MAPK14: variants seen among roughly 807,000 people sequenced by gnomAD.
MAPK14 encodes the protein mitogen-activated protein kinase 14, also known as CSAID-binding protein.
In MAPK14, 16 loss-of-function variants were observed where a neutral mutation model predicts 49.6. The observed-to-expected ratio is 0.32, with a 90% confidence interval of 0.22 to 0.49. MAPK14 has a LOEUF of 0.49. Ranked by LOEUF, MAPK14 falls within the 20% of genes least tolerant of loss-of-function variation. The pLI, the probability that MAPK14 is intolerant of heterozygous loss-of-function variation, is 0.99. For missense variants in MAPK14, 200 were observed against 441.2 expected (o/e 0.45, Z 4.90); for synonymous variants, 142 against 158.0 (o/e 0.90, Z 0.76).
rs181225098 is a variant in MAPK14 at position 36,038,171 on chromosome 6, G to A, written c.116+9898G>A. Among the ~76,000 whole-genome samples the A allele has an allele frequency of 7.2e-5, 11 of 152,244 alleles. No individual in the cohort carries two copies. The East Asian group carries it at 1.5e-3, about 21-fold the overall frequency. ...TTGCACTTTTAAGAAAGGTGAATACGGTAAGCATCATTGATAAAGTAACAA... is the reference window on the plus strand; with the variant it reads ...TTGCACTTTTAAGAAAGGTGAATACAGTAAGCATCATTGATAAAGTAACAA... On this transcript the variant is annotated intron_variant, in intron 1 of 11. Coordinates refer to ENST00000229794, the MANE Select transcript of MAPK14 (RefSeq NM_139012.3).
chr6:36,062,985 GTGTA>G (rs1338250829), intron 3 of MAPK14, among the ~76,000 whole-genome samples: 6 of 152,034 alleles, frequency 3.9e-5, no homozygotes, highest in Non-Finnish European at 4.4e-5. Flanking sequence ...CATGTGATAC[GTGTA>G]TTTGTCCCTT....
Position 36,059,233 on chromosome 6 carries a change from G to C in MAPK14, c.247-56G>C. 7.5e-6 allele frequency: 8 copies of C among 1,072,854 alleles called. No homozygotes were observed. The South Asian group carries it at 1.1e-4, about 15-fold the overall frequency. The allele number at this position is 1,072,854 out of a possible 1,614,324, so 66.5% of individuals were successfully genotyped here. ...AAAAAAAGAAGATTAAGACCTGATG[G>C]GTACTATACTGAGTTTAATATTTAT... On this transcript the variant is annotated intron_variant, in intron 2 of 11. Coordinates refer to ENST00000229794, the MANE Select transcript of MAPK14 (RefSeq NM_139012.3).
intron 8 of MAPK14, among the ~76,000 whole-genome samples, chr6:36,094,891 G>C (rs569729407): frequency 1.3e-5 from 2 of 152,236 alleles, no homozygotes; most frequent in South Asian, 2.1e-4. Context: ...AGAGTGTTGA[G>C]GGGAGGCCTC....
Position 36,072,879 on chromosome 6 carries a change from G to C in MAPK14, c.312G>C (p.Leu104=). 1.8e-5 allele frequency: 29 copies of C among 1,579,998 alleles called. No individual in the cohort carries two copies. Among genetic ancestry groups the C allele is most frequent in the Non-Finnish European group, 2.5e-5 (29 of 1,153,130 alleles). ...RSLEEFNDVY[L]VTHLMGADLN... is the part of the protein sequence containing the mutation. ...ACTTTTCACTAATTTCTAGGTATCT[G>C]GTGACCCATCTCATGGGGGCAGATC... Residue 104 remains leucine, a synonymous_variant, in exon 4 of 12, where the codon CTG becomes CTC. Coordinates refer to ENST00000229794, the MANE Select transcript of MAPK14 (RefSeq NM_139012.3).
At chr6:36,115,328 G>A (rs1766042233), downstream of MAPK14, among the ~76,000 whole-genome samples, 1 of 152,184 alleles carries the variant, frequency 6.6e-6, no homozygotes, top group East Asian at 1.9e-4. Flanking sequence ...ACAAAAACCA[G>A]TGGTTCTAAA....
chr6:36,116,712 A>C, the MAPK14 span, among the ~76,000 whole-genome samples: 6 of 152,178 alleles, frequency 3.9e-5, no homozygotes, highest in Admixed American at 3.9e-4. Flanking sequence ...AGTCCTAAGA[A>C]GTGAAACCTC....
In MAPK14 at chr6:36,055,156, C is replaced by T. The variant is rs369452181; in HGVS notation, c.246+2328C>T. On this transcript the variant is annotated intron_variant, in intron 2 of 11. Transcript: ENST00000229794. ...CTGACCTTGATCTCGTTAACACCTG[C>T]TCTAAGGAAAGATTAAAGGGAGGCA... 1.1e-4 allele frequency among the ~76,000 whole-genome samples: 16 copies of T among 152,362 alleles called. No individual in the cohort carries two copies. The East Asian group carries it at 2.3e-3, about 22-fold the overall frequency.
chr6:36,072,791 CA>C, intron 3 of MAPK14, 81 bp from the exon 4 acceptor site: 1 of 805,762 alleles, frequency 1.2e-6, no homozygotes, highest in East Asian at 2.6e-5. Context: ...CCAAAAAAAC[CA>C]AAAAACTTAT....
At chr6:36,119,783 A>G in the MAPK14 span, among the ~76,000 whole-genome samples, 2 of 152,270 alleles carry the variant, frequency 1.3e-5, no homozygotes, top group Admixed American at 6.5e-5. Flanking sequence ...ACAACGAGGA[A>G]TTACCCAGCA....
the MAPK14 span, among the ~76,000 whole-genome samples, chr6:36,117,152 G>C: frequency 2.6e-5 from 4 of 152,198 alleles, no homozygotes; most frequent in Non-Finnish European, 5.9e-5. Context: ...TCTCTCCCTA[G>C]TTCCAGGCCC....
rs542833323 is a variant in MAPK14, at chr6:36,058,301, A to G, written c.247-988A>G. ...GTGGAATACATTTTTAAAAAACACA[A>G]TATTACGGTAACAACCATGGATGTG... On this transcript the variant is annotated intron_variant, in intron 2 of 11. Transcript: ENST00000229794. Among the ~76,000 whole-genome samples the G allele has an allele frequency of 9.2e-5, 14 of 152,322 alleles. No individual in the cohort carries two copies. In the South Asian group the frequency reaches 1.7e-3, roughly 18 times the overall value.
chr6:36,045,614 C>T (rs2127408432), intron 1 of MAPK14, among the ~76,000 whole-genome samples: 1 of 152,142 alleles, frequency 6.6e-6, no homozygotes, highest in South Asian at 2.1e-4. Context: ...CGAGACCATC[C>T]TGGCTAACAC....
chr6:36,059,505 A>G (rs1168179243), intron 3 of MAPK14, among the ~76,000 whole-genome samples, 158 bp downstream of exon 3: 1 of 152,160 alleles, frequency 6.6e-6, no homozygotes, highest in Non-Finnish European at 1.5e-5. Context: ...CAGAAGATGT[A>G]TGTTATGGGT....
chr6:36,031,603 C>T (rs953311563), intron 1 of MAPK14, among the ~76,000 whole-genome samples: 1 of 152,030 alleles, frequency 6.6e-6, no homozygotes, highest in Admixed American at 6.6e-5. Flanking sequence ...CAGGGTTTCA[C>T]CATGTTGGCC....
chr6:36,123,897 G>A, the MAPK14 span, among the ~76,000 whole-genome samples: 1 of 152,000 alleles, frequency 6.6e-6, no homozygotes, highest in African/African-American at 2.4e-5. Flanking sequence ...CGGGGAGTGT[G>A]GACCGGATGG....
chr6:36,048,301 A>G (rs1282056863), intron 1 of MAPK14, among the ~76,000 whole-genome samples: 1 of 150,496 alleles, frequency 6.6e-6, no homozygotes, highest in South Asian at 2.1e-4. Context: ...CCTTGGCCTC[A>G]CAAAGTGCTG....
intron 8 of MAPK14, among the ~76,000 whole-genome samples, chr6:36,083,322 A>G (rs945274931): frequency 6.6e-6 from 1 of 152,202 alleles, no homozygotes; most frequent in African/African-American, 2.4e-5. Flanking sequence ...TGCTTTTTCC[A>G]AGGATCTGTG....
At chr6:36,046,245 G>T (rs184276502) in intron 1 of MAPK14, among the ~76,000 whole-genome samples, 33 of 152,262 alleles carry the variant, frequency 2.2e-4, no homozygotes, top group African/African-American at 7.2e-4. Context: ...TTTATAAAAT[G>T]TGAATTAATT....
chr6:36,039,646 A>T (rs1762883160), intron 1 of MAPK14, among the ~76,000 whole-genome samples: 3 of 152,302 alleles, frequency 2.0e-5, no homozygotes, highest in Non-Finnish European at 4.4e-5. Flanking sequence ...TAATATTTCC[A>T]GTGCACTATA....
Sources: gnomAD v4.1 joint callset for allele counts (sites outside exome capture counted in the v4.1 genomes callset) on GRCh38, gnomAD v4.1.1 for gene constraint, MANE v1.5 for transcripts, NCBI Gene and HGNC (gene_info 2026-07-23, HGNC 2026-07-21) for gene names.